Variants in ARR3 observed in about 807,000 individuals in gnomAD.
ARR3 encodes the protein arrestin 3.
Under a neutral mutation model 35.4 loss-of-function variants are expected in ARR3, and 14 were observed. The ratio of observed to expected loss-of-function variants is 0.40; its 90% CI spans 0.26 to 0.62. ARR3 has a LOEUF of 0.62. ARR3 is among the 20% of genes least tolerant of loss of function. ARR3 has a pLI of 0.46. For synonymous variants in ARR3, 97 were observed against 119.1 expected, an observed-to-expected ratio of 0.81 and a Z score of 1.21; for missense variants, 259 against 303.8, an observed-to-expected ratio of 0.85 and a Z score of 1.10.
chrX:70,271,914 C>T (rs181788294), intron 5 of ARR3, among the ~76,000 whole-genome samples: 82 of 110,955 alleles, frequency 7.4e-4, no homozygotes, highest in African/African-American at 2.5e-3. Flanking sequence ...AAAAAAAGGA[C>T]GATTCTAAAC....
intron 1 of ARR3, 27 bp from the exon 2 acceptor site, chrX:70,269,329 G>A (rs941119570): frequency 8.4e-7 from 1 of 1,194,927 alleles, no homozygotes; most frequent in Admixed American, 2.3e-5. Flanking sequence ...TGAAATGATT[G>A]AGCCTTTCTT....
chrX:70,276,073 T>C lies in ARR3; in HGVS notation c.146-9T>C, dbSNP rs1302623857. The C allele has an allele frequency of 8.3e-7, 1 of 1,210,894 alleles. No individual in the cohort carries two copies. On this transcript the variant is annotated splice_polypyrimidine_tract_variant and intron_variant, in intron 5 of 16. Coordinates refer to ENST00000307959, the MANE Select transcript of ARR3 (RefSeq NM_004312.3). ...CTGACAGACCACTCTCTTCCTCCTA[T>C]GCCTGCAGTGTTTGTCATGTTGACA...
intron 9 of ARR3, 56 bp from the exon 10 acceptor site, chrX:70,277,660 T>C (rs1173413172): frequency 8.5e-7 from 1 of 1,175,382 alleles, no homozygotes; most frequent in Non-Finnish European, 1.2e-6. Context: ...GGGTTCTAGG[T>C]CTCCATCTGC....
intron 15 of ARR3, 94 bp from the exon 16 acceptor site, chrX:70,281,005 G>GA (rs984101589): frequency 8.3e-6 from 8 of 958,989 alleles, no homozygotes; most frequent in South Asian, 4.4e-5. Context: ...GGGAAGTTGG[G>GA]GGGGGGGGAA....
intron 5 of ARR3, among the ~76,000 whole-genome samples, chrX:70,273,370 C>T (rs932034161): frequency 2.7e-5 from 3 of 109,186 alleles, no homozygotes; most frequent in African/African-American, 1.0e-4. Context: ...TACAGGTGCC[C>T]ACCACCACGC....
chrX:70,278,247 C>A, intron 11 of ARR3, 109 bp downstream of exon 11: 1 of 776,563 alleles, frequency 1.3e-6, no homozygotes, highest in Non-Finnish European at 1.9e-6. Flanking sequence ...GTGGAAGATT[C>A]CAGGGAGGGA....
Position 70,276,288 on chromosome X carries a change from A to G in ARR3, c.345+7A>G. On this transcript the variant is annotated splice_region_variant and intron_variant, in intron 6 of 16. Coordinates refer to ENST00000307959, the MANE Select transcript of ARR3 (RefSeq NM_004312.3). ...CTACCCCTTTACCCTGCAGGTACTG[A>G]CCCCAAGCCCTGGGCAGGCAAGGTC... is the stretch of plus-strand genomic sequence containing the variant. 12 of 1,209,166 alleles carry G rather than the reference A, an allele frequency of 9.9e-6. No individual in the cohort carries two copies. The highest frequency in any genetic ancestry group is 1.3e-5 in the Non-Finnish European group (12 of 893,724).
chrX:70,281,021 G>GATACTTCT, intron 15 of ARR3, 78 bp from the exon 16 acceptor site: 1 of 964,008 alleles, frequency 1.0e-6, no homozygotes, highest in African/African-American at 2.0e-5. Flanking sequence ...GGGAAGTAAA[G>GATACTTCT]ATACTTCTTC....
intron 1 of ARR3, among the ~76,000 whole-genome samples, chrX:70,268,718 C>T (rs1374551586): frequency 8.9e-6 from 1 of 112,226 alleles, no homozygotes; most frequent in African/African-American, 3.2e-5. Context: ...CTTTCAACCT[C>T]CATAGAGACT....
rs1038160256 is a variant in ARR3 at position 70,270,095 on chromosome X, C to A, written c.101-5C>A. 4 of 1,209,951 alleles carry A rather than the reference C, an allele frequency of 3.3e-6. No homozygotes were observed. The highest frequency in any genetic ancestry group is 4.5e-6 in the Non-Finnish European group (4 of 894,610). ...CCAAAGTGCTGTCTGTCCTTCTCTC[C>A]ACAGACGGTGTTGTCCTGGTTGATC... is the stretch of plus-strand genomic sequence containing the variant. On this transcript the variant is annotated splice_polypyrimidine_tract_variant and splice_region_variant and intron_variant, in intron 4 of 16. Coordinates refer to ENST00000307959, the MANE Select transcript of ARR3 (RefSeq NM_004312.3).
At position 70,280,817 on chromosome X, in the gene ARR3, T is replaced by C. The variant is rs764850894; in HGVS notation, c.1065T>C (p.His355=). The change falls in exon 15 of 17, where the codon CAT becomes CAC. Residue 355 remains histidine, a splice_region_variant and synonymous_variant. Coordinates refer to ENST00000307959, the MANE Select transcript of ARR3 (RefSeq NM_004312.3). The part of the protein sequence containing the change: ...PLVLIHPKPS[H]EAASSEDIVI... ...TCCTGATCCATCCGAAGCCATCTCA[T>C]GGTGAGTGACCAGGTGGAACTCACA... 3.1e-5 allele frequency: 37 copies of C among 1,209,096 alleles called. No homozygotes were observed. In the East Asian group the frequency reaches 1.0e-3, roughly 33 times the overall value.
In ARR3 at chrX:70,277,726, A is replaced by G; in HGVS notation, c.620A>G (p.His207Arg). 8.3e-7 allele frequency: 1 copy of G among 1,210,078 alleles called. No homozygotes were observed. Among genetic ancestry groups the G allele is most frequent in the Non-Finnish European group, 1.1e-6 (1 of 894,288 alleles). ...QAWMDREVHY[H>R]GEPISVNVSI... ...CCGCTCCTGCTTTAGGTTCACTACCACGGAGAACCCATCTCTGTCAATGTT... is the reference window on the plus strand; with the variant it reads ...CCGCTCCTGCTTTAGGTTCACTACCGCGGAGAACCCATCTCTGTCAATGTT... Residue 207 changes from histidine to arginine, a missense_variant, in exon 10 of 17, where the codon CAC (histidine) becomes CGC (arginine). Coordinates refer to ENST00000307959, the MANE Select transcript of ARR3 (RefSeq NM_004312.3).
At chrX:70,281,142 C>T in intron 16 of ARR3, 34 bp downstream of exon 16, 1 of 1,206,319 alleles carries the variant, frequency 8.3e-7, no homozygotes, top group Non-Finnish European at 1.1e-6. Flanking sequence ...GCCCCATTCC[C>T]CTCTTCCCAT....
intron 12 of ARR3, among the ~76,000 whole-genome samples, chrX:70,279,336 T>C (rs2085668840): frequency 8.9e-6 from 1 of 112,604 alleles, no homozygotes; most frequent in African/African-American, 3.2e-5. Flanking sequence ...CATCTCTCCA[T>C]ACGTCTTTTC....
intron 12 of ARR3, 138 bp from the exon 13 acceptor site, chrX:70,280,057 G>C: frequency 1.8e-6 from 1 of 546,932 alleles, no homozygotes; most frequent in Non-Finnish European, 3.0e-6. Context: ...GGTAGGAAAG[G>C]TTAGAGCCTG....
rs759539970 is a variant in ARR3 at position 70,276,145 on chromosome X, C to T, written c.209C>T (p.Thr70Met). The change falls in exon 6 of 17, where the codon ACG (threonine) becomes ATG (methionine). Residue 70 changes from threonine (T) to methionine (M), a missense_variant. Physicochemically the swap from Thr to Met is moderately conservative, Grantham distance 81. Coordinates refer to ENST00000307959, the MANE Select transcript of ARR3 (RefSeq NM_004312.3). ...GRDDLEVIGL[T>M]FRKDLYVQTL... is the part of the protein sequence containing the mutation. Reference sequence around the variant, plus strand: ...GATGACTTGGAAGTGATTGGTCTGACGTTCCGAAAAGATCTGTATGTGCAG... The same window carrying T: ...GATGACTTGGAAGTGATTGGTCTGATGTTCCGAAAAGATCTGTATGTGCAG... The T allele has an allele frequency of 5.2e-5, 63 of 1,210,082 alleles. No individual in the cohort carries two copies. In the East Asian group the frequency reaches 1.5e-3, roughly 28 times the overall value.
chrX:70,280,213 C>T lies in ARR3; in HGVS notation c.924C>T (p.Asp308=). 1.7e-6 allele frequency: 2 copies of T among 1,211,283 alleles called. No homozygotes were observed. The highest frequency in any genetic ancestry group is 2.2e-6 in the Non-Finnish European group (2 of 895,154). The change falls in exon 13 of 17, where the codon GAC becomes GAT. Residue 308 remains aspartate, a synonymous_variant. Transcript: ENST00000307959. ...ASSTIIRPGM[D]KELLGILVSY... is the part of the protein sequence containing the mutation. ...CCTCCAGTATTAGACCGGGAATGGA[C>T]AAAGAGCTGCTGGGGATCCTGGTGT...
chrX:70,271,782 T>C lies in ARR3; in HGVS notation c.145+1638T>C, dbSNP rs190136020. On this transcript the variant is annotated intron_variant, in intron 5 of 16. Transcript: ENST00000307959. Reference sequence around the variant, plus strand: ...GAGCTTTGATTTGTCTTTTTGTTTGTATTTTCTGATGTTCAGACAATTAAC... The same window carrying C: ...GAGCTTTGATTTGTCTTTTTGTTTGCATTTTCTGATGTTCAGACAATTAAC... Among the ~76,000 whole-genome samples the C allele has an allele frequency of 1.5e-4, 17 of 112,453 alleles. No individual in the cohort carries two copies. The Admixed American group carries it at 1.6e-3, about 11-fold the overall frequency.
intron 5 of ARR3, among the ~76,000 whole-genome samples, chrX:70,272,571 T>C (rs898373753): frequency 8.9e-6 from 1 of 112,355 alleles, no homozygotes; most frequent in African/African-American, 3.2e-5. Context: ...CACATCCTTT[T>C]CATACTTGTT....
Sources: gnomAD v4.1 joint callset for allele counts (sites outside exome capture counted in the v4.1 genomes callset) on GRCh38, gnomAD v4.1.1 for gene constraint, MANE v1.5 for transcripts, NCBI Gene and HGNC (gene_info 2026-07-23, HGNC 2026-07-21) for gene names.